ADGRE3: variants seen among roughly 807,000 people sequenced by gnomAD.
ADGRE3 encodes the protein adhesion G protein-coupled receptor E3, also known as EGF-like module receptor 3.
In ADGRE3, 88 loss-of-function variants were observed where a neutral mutation model predicts 80.1. That is an observed-to-expected ratio of 1.10 (90% CI 0.93 to 1.31). ADGRE3 has a LOEUF of 1.31. Ranked by LOEUF, ADGRE3 falls within the 40% of genes most tolerant of loss-of-function variation. The probability of loss-of-function intolerance (pLI) is 0.00; values close to 1 mark genes in which losing one functional copy is unlikely to be tolerated. For synonymous variants in ADGRE3, 281 were observed against 294.8 expected (o/e 0.95, Z 0.48); for missense variants, 715 against 776.5 (o/e 0.92, Z 0.94).
At chr19:14,648,346 ACAGGCTGGAAGAGCTTGAAAGTT>A (rs1971475684) in intron 7 of ADGRE3, among the ~76,000 whole-genome samples, 1 of 152,132 alleles carries the variant, frequency 6.6e-6, no homozygotes, top group Non-Finnish European at 1.5e-5. Flanking sequence ...TGCACAGAGG[ACAGGCTGGAAGAGCTTGAAAGTT>A]CAGCCCCCGG....
At chr19:14,616,927 T>TG (rs541426287), downstream of ADGRE3, among the ~76,000 whole-genome samples, 2 of 151,544 alleles carry the variant, frequency 1.3e-5, no homozygotes, top group African/African-American at 4.9e-5. Context: ...CCTGAGTAGC[T>TG]GGGGATTACA....
At chr19:14,606,859 T>A in the ADGRE3 span, 20 of 360,152 alleles carry the variant, frequency 5.6e-5, no homozygotes, top group Non-Finnish European at 7.0e-5. Flanking sequence ...CTGTTCTGCA[T>A]ACCATGGGGA....
downstream of ADGRE3, among the ~76,000 whole-genome samples, chr19:14,618,870 A>T (rs1273206700): frequency 6.8e-6 from 1 of 146,972 alleles, no homozygotes; most frequent in African/African-American, 2.6e-5. Flanking sequence ...AAAAAAAAAA[A>T]ATTAGCCTGT....
the ADGRE3 span, chr19:14,600,218 G>A: frequency 1.9e-6 from 3 of 1,606,346 alleles, no homozygotes; most frequent in Non-Finnish European, 2.6e-6. Context: ...AGAACCTTCA[G>A]GGACAGCCTG....
intron 1 of ADGRE3, among the ~76,000 whole-genome samples, chr19:14,669,469 C>T (rs1168996239): frequency 3.3e-5 from 5 of 151,954 alleles, no homozygotes; most frequent in Admixed American, 6.6e-5. Context: ...GTGCAGGTGT[C>T]GCTTTGATAT....
intron 5 of ADGRE3, among the ~76,000 whole-genome samples, chr19:14,655,787 G>A (rs974417181): frequency 6.6e-6 from 1 of 151,770 alleles, no homozygotes; most frequent in African/African-American, 2.4e-5. Context: ...AACGTTTTTT[G>A]CCAACAAGGT....
chr19:14,616,124 G>A (rs952309853), downstream of ADGRE3, among the ~76,000 whole-genome samples: 23 of 151,984 alleles, frequency 1.5e-4, no homozygotes, highest in African/African-American at 5.3e-4. Flanking sequence ...TAGAGACGGG[G>A]TGTCACCATA....
chr19:14,641,683 C>A, intron 9 of ADGRE3, 67 bp from the exon 10 acceptor site: 1 of 1,567,860 alleles, frequency 6.4e-7, no homozygotes, highest in Non-Finnish European at 8.7e-7. Context: ...CCTCCTTGAA[C>A]TGGGGCATCC....
the ADGRE3 span, among the ~76,000 whole-genome samples, chr19:14,601,501 G>A: frequency 1.3e-5 from 2 of 152,284 alleles, no homozygotes; most frequent in Non-Finnish European, 2.9e-5. Context: ...CAAGGTTCCA[G>A]TACATGTAAG....
intron 2 of ADGRE3, among the ~76,000 whole-genome samples, chr19:14,664,962 A>G (rs572244975): frequency 3.3e-5 from 5 of 151,908 alleles, no homozygotes; most frequent in Non-Finnish European, 5.9e-5. Context: ...TTTACGTTAT[A>G]GGAACATATT....
chr19:14,624,539 C>A (rs10423568), intron 15 of ADGRE3, among the ~76,000 whole-genome samples: 1 of 151,674 alleles, frequency 6.6e-6, no homozygotes, highest in Admixed American at 6.6e-5. Flanking sequence ...TAGGACTGCT[C>A]GAGCTGGGAG....
Position 14,671,537 on chromosome 19 carries a change from C to T in ADGRE3, c.26-2685G>A, listed in dbSNP as rs541717219. Among the ~76,000 whole-genome samples the T allele has an allele frequency of 1.5e-4, 23 of 152,296 alleles. No individual in the cohort carries two copies. The South Asian group carries it at 4.8e-3, about 32-fold the overall frequency. On this transcript the variant is annotated intron_variant, in intron 1 of 15. Transcript: ENST00000253673. ...ATATTAAGATTCTTATCTTAATCAA[C>T]ATCTGCAAAGTTTCTTTTACCATGT... is the stretch of plus-strand genomic sequence containing the variant.
chr19:14,635,251 C>T lies in ADGRE3; in HGVS notation c.1485-1949G>A, dbSNP rs562484295. On this transcript the variant is annotated intron_variant, in intron 11 of 15. Transcript: ENST00000253673. ...AGCTGGGACTACAGGCATGCACCAC[C>T]GTGTCCAGCTAATTAAAACAATTTT... Among the ~76,000 whole-genome samples the T allele has an allele frequency of 1.8e-4, 28 of 151,964 alleles. No individual in the cohort carries two copies. The South Asian group carries it at 5.0e-3, about 27-fold the overall frequency.
rs1233745654 is a variant in ADGRE3 at position 14,619,339 on chromosome 19, T to C, written c.*94A>G. 33 of 942,638 alleles carry C rather than the reference T, an allele frequency of 3.5e-5. No individual in the cohort carries two copies. Among genetic ancestry groups the C allele is most frequent in the Non-Finnish European group, 5.2e-6 (3 of 582,108 alleles). 58.4% of individuals were successfully genotyped at this position (942,638 alleles called of 1,614,324 possible). On this transcript the variant is annotated 3_prime_UTR_variant, in exon 16 of 16. Coordinates refer to ENST00000253673, the MANE Select transcript of ADGRE3 (RefSeq NM_032571.5). The stretch of plus-strand genomic sequence containing the variant: ...GATTACTTCCTCTCCAAGGATGATA[T>C]GTTTAATGAATTCCCTTTTCCTTAG...
rs1173314767 is a variant in ADGRE3 at position 14,636,081 on chromosome 19, CCTTTCTTT to C, written c.1484+2016_1484+2023del. 2.7e-3 allele frequency among the ~76,000 whole-genome samples: 66 copies of C among 24,680 alleles called. 1 individual carries two copies. The highest frequency in any genetic ancestry group is 4.6e-3 in the African/African-American group (34 of 7,388). 16.2% of individuals were successfully genotyped at this position (24,680 alleles called of 152,430 possible). A position where few individuals can be genotyped will look rare whatever the true frequency, so the allele number is the denominator to read the frequency against. ...CCTTCCTTTCCTTTCCTTTCCTTTC[CCTTTCTTT>C]CTTTCTTTCTTTCTTTCTTTCTTTC... On this transcript the variant is annotated intron_variant, in intron 11 of 15. Transcript: ENST00000253673.
rs1427819287 is a variant in ADGRE3 at position 14,620,569 on chromosome 19, T to TATATATATA, written c.1921-1099_1921-1098insTATATATAT. On this transcript the variant is annotated intron_variant, in intron 15 of 15. Transcript: ENST00000253673. ...TATATTATATATATATATATATATATTTTTTTTTTTTTTTTTTTTTTTTTT... is the reference window on the plus strand; with the variant it reads ...TATATTATATATATATATATATATATATATATATATTTTTTTTTTTTTTTTTTTTTTTTT... Among the ~76,000 whole-genome samples the TATATATATA allele has an allele frequency of 5.7e-3, 43 of 7,540 alleles. 4 individuals carry two copies. The highest frequency in any genetic ancestry group is 8.4e-3 in the African/African-American group (15 of 1,792). The allele number at this position is 7,540 out of a possible 152,430, so 4.9% of individuals were successfully genotyped here.
Position 14,638,213 on chromosome 19 carries a change from A to G in ADGRE3, c.1376T>C (p.Ile459Thr), listed in dbSNP as rs200566145. Residue 459 changes from isoleucine (I) to threonine (T), a missense_variant, in exon 11 of 16, where the codon ATC becomes ACC. By Grantham distance (89) the Ile-to-Thr change is moderately conservative. Coordinates refer to ENST00000253673, the MANE Select transcript of ADGRE3 (RefSeq NM_032571.5). ...CATGATCCACTTCATGAGTCTATTG[A>G]TGCTTGAGTAGTTGACCACTGTCAG... ...RNLTVVNYSS[I>T]NRLMKWIMFP... is the part of the protein sequence containing the mutation. 102 of 1,614,080 alleles carry G rather than the reference A, an allele frequency of 6.3e-5. 1 individual carries two copies. In the East Asian group the frequency reaches 2.3e-3, roughly 36 times the overall value.
At chr19:14,651,347 T>A in intron 6 of ADGRE3, 143 bp from the exon 7 acceptor site, 1 of 842,548 alleles carries the variant, frequency 1.2e-6, no homozygotes, top group Non-Finnish European at 1.9e-6. Context: ...CCCAGGAATT[T>A]GAGCCCAGGC....
chr19:14,625,404 CAA>C, intron 15 of ADGRE3, 86 bp downstream of exon 15: 6 of 903,694 alleles, frequency 6.6e-6, no homozygotes, highest in Non-Finnish European at 1.1e-5. Flanking sequence ...CAAAAACAAA[CAA>C]ACAAAAAAAT....
Sources: gnomAD v4.1 joint callset for allele counts (sites outside exome capture counted in the v4.1 genomes callset) on GRCh38, gnomAD v4.1.1 for gene constraint, MANE v1.5 for transcripts, NCBI Gene and HGNC (gene_info 2026-07-23, HGNC 2026-07-21) for gene names.